The following FBXO38 variants were observed in gnomAD, a reference collection of about 807,000 sequenced individuals.
FBXO38 encodes the protein F-box only protein 38.
In FBXO38, 53 loss-of-function variants were observed where a neutral mutation model predicts 131.9. That is an observed-to-expected ratio of 0.40 (90% CI 0.32 to 0.51). The LOEUF is 0.51. FBXO38 is among the 20% of genes least tolerant of loss of function. FBXO38 has a pLI of 0.53. For synonymous variants in FBXO38, 452 were observed against 505.6 expected (o/e 0.89, Z 1.42); for missense variants, 1,076 against 1,475.6 (o/e 0.73, Z 4.44).
At chr5:148,425,752 G>T in intron 14 of FBXO38, 51 bp downstream of exon 14, 1 of 1,519,090 alleles carries the variant, frequency 6.6e-7, no homozygotes, top group Non-Finnish European at 9.0e-7. Context: ...TATCAGAACT[G>T]ACACACTTGG....
rs150639119 is a variant in FBXO38 at position 148,405,245 on chromosome 5, A to G, written c.730+423A>G. Among the ~76,000 whole-genome samples, 437 of 152,288 alleles carry G rather than the reference A, an allele frequency of 2.9e-3. 3 individuals are homozygous for G. Among genetic ancestry groups the G allele is most frequent in the African/African-American group, 0.01 (420 of 41,562 alleles). Reference sequence around the variant, plus strand: ...TGTTGCCCTAGAGCAAGCTTGTTCAACCCACGGTCCACTGGCCACAGCCCA... The same window carrying G: ...TGTTGCCCTAGAGCAAGCTTGTTCAGCCCACGGTCCACTGGCCACAGCCCA... On this transcript the variant is annotated intron_variant, in intron 6 of 21. Transcript: ENST00000340253.
intron 16 of FBXO38, 35 bp downstream of exon 16, chr5:148,433,559 T>G: frequency 6.4e-7 from 1 of 1,562,342 alleles, no homozygotes; most frequent in South Asian, 1.1e-5. Flanking sequence ...TTTATCACAG[T>G]CTAGCCCAGT....
At chr5:148,430,922 A>G (rs1486654046) in intron 15 of FBXO38, 1 of 152,242 alleles carries the variant, frequency 6.6e-6, no homozygotes, top group Non-Finnish European at 1.5e-5. Flanking sequence ...ATAACATTTA[A>G]GATTAGTTGC....
At position 148,410,767 on chromosome 5, in the gene FBXO38, T is replaced by A. The variant is rs1554079701; in HGVS notation, c.1093+2T>A. ...ATGTAGATGAGTTTTTGCTACAGAG[T>A]AAGATTTATCCCATTTTAATTCCTA... On this transcript the variant is annotated splice_donor_variant, in intron 9 of 21. Transcript: ENST00000340253. LOFTEE classifies it high-confidence loss of function. 1.2e-6 allele frequency: 2 copies of A among 1,601,852 alleles called. No individual in the cohort carries two copies. The highest frequency in any genetic ancestry group is 1.7e-6 in the Non-Finnish European group (2 of 1,176,630).
At chr5:148,432,907 G>T (rs958935744) in intron 15 of FBXO38, among the ~76,000 whole-genome samples, 2 of 152,176 alleles carry the variant, frequency 1.3e-5, no homozygotes, top group African/African-American at 4.8e-5. Context: ...TAGATGGGTC[G>T]TATTTCAAAA....
In FBXO38 at chr5:148,404,899, G is replaced by A. The variant is rs1168960076; in HGVS notation, c.730+77G>A. ...CCTGAAGCAAACTCTAGCTACATTTGTAAATACAATTATATTATGCTATTA... is the reference window on the plus strand; with the variant it reads ...CCTGAAGCAAACTCTAGCTACATTTATAAATACAATTATATTATGCTATTA... On this transcript the variant is annotated intron_variant, in intron 6 of 21. Coordinates refer to ENST00000340253, the MANE Select transcript of FBXO38 (RefSeq NM_205836.3). 2.4e-6 allele frequency: 3 copies of A among 1,266,168 alleles called. No individual in the cohort carries two copies. In the East Asian group the frequency reaches 8.4e-5, roughly 36 times the overall value. The allele number at this position is 1,266,168 out of a possible 1,614,324, so 78.4% of individuals were successfully genotyped here.
At position 148,437,882 on chromosome 5, in the gene FBXO38, A is replaced by G. The variant is rs76288933; in HGVS notation, c.2858-450A>G. ...TGAATAGCTTTAGACCAAAGTATCCAAATGTGTTTCTGGGTCTTTTTTTTC... is the reference window on the plus strand; with the variant it reads ...TGAATAGCTTTAGACCAAAGTATCCGAATGTGTTTCTGGGTCTTTTTTTTC... On this transcript the variant is annotated intron_variant, in intron 17 of 21. Coordinates refer to ENST00000340253, the MANE Select transcript of FBXO38 (RefSeq NM_205836.3). Among the ~76,000 whole-genome samples, 1,118 of 151,972 alleles carry G rather than the reference A, an allele frequency of 7.4e-3. 18 individuals are homozygous for G. The highest frequency in any genetic ancestry group is 0.026 in the African/African-American group (1,069 of 41,458).
intron 11 of FBXO38, chr5:148,416,683 G>T (rs188223441): frequency 5.9e-6 from 2 of 340,364 alleles, no homozygotes; most frequent in African/African-American, 2.1e-5. Context: ...AATATAATGG[G>T]GAAAGCTCAG....
Position 148,427,825 on chromosome 5 carries a change from A to C in FBXO38, c.2531A>C (p.Glu844Ala). The C allele has an allele frequency of 6.2e-7, 1 of 1,605,584 alleles. No homozygotes were observed. Among genetic ancestry groups the C allele is most frequent in the Non-Finnish European group, 8.5e-7 (1 of 1,176,038 alleles). ...GGGAGTGGCTCTGGGGCTACAGGTG[A>C]GGACAGGAGGGGGAGCTCCCAGCCT... ...TNGSGSGATG[E>A]DRRGSSQPES... Residue 844 changes from glutamate to alanine, a missense_variant, in exon 15 of 22, where the codon GAG becomes GCG. Physicochemically the swap from Glu to Ala is moderately radical, Grantham distance 107. This residue lies in a region of FBXO38 where 213 missense variants were observed against 225.2 expected (regional missense o/e 0.95). Transcript: ENST00000340253.
intron 12 of FBXO38, among the ~76,000 whole-genome samples, chr5:148,420,682 G>C (rs937656455): frequency 6.6e-6 from 1 of 152,120 alleles, no homozygotes; most frequent in African/African-American, 2.4e-5. Flanking sequence ...TAACTACCAA[G>C]TGAAATTGCT....
intron 12 of FBXO38, among the ~76,000 whole-genome samples, chr5:148,417,926 G>A (rs1375388318): frequency 3.3e-5 from 5 of 152,260 alleles, no homozygotes; most frequent in African/African-American, 1.2e-4. Flanking sequence ...CTTGCACACA[G>A]TAATTAATGA....
At chr5:148,394,999 G>GCATTTA (rs1758405643) in intron 2 of FBXO38, 95 bp downstream of exon 2, 9 of 1,186,016 alleles carry the variant, frequency 7.6e-6, no homozygotes, top group Non-Finnish European at 1.0e-5. Context: ...GCTACATGCA[G>GCATTTA]CATTTACATT....
intron 18 of FBXO38, 89 bp downstream of exon 18, chr5:148,438,587 G>A (rs1754487196): frequency 7.0e-7 from 1 of 1,418,702 alleles, no homozygotes; most frequent in Non-Finnish European, 9.6e-7. Flanking sequence ...TTTGGATTTG[G>A]CATTCATTCA....
At chr5:148,415,334 TA>T (rs1213345735) in intron 10 of FBXO38, 2 of 152,350 alleles carry the variant, frequency 1.3e-5, no homozygotes, top group Non-Finnish European at 2.9e-5. Flanking sequence ...ATGCACTTGA[TA>T]AATTTCAAAC....
intron 1 of FBXO38, among the ~76,000 whole-genome samples, chr5:148,386,578 C>CGT (rs989901655): frequency 3.9e-5 from 6 of 152,118 alleles, no homozygotes; most frequent in African/African-American, 1.4e-4. Flanking sequence ...TCCTCTTCAA[C>CGT]TTTTAACATT....
chr5:148,433,900 C>T (rs1237517275), intron 17 of FBXO38, 163 bp downstream of exon 17: 1 of 458,628 alleles, frequency 2.2e-6, no homozygotes, highest in Non-Finnish European at 3.9e-6. Context: ...ATTATTACTC[C>T]ATAGTATTTC....
Position 148,427,760 on chromosome 5 carries a change from A to AG in FBXO38, c.2472dup (p.Ser825ValfsTer7). The stretch of plus-strand genomic sequence containing the variant: ...CCTTTTCCTTTAGGACTCTGCCACA[A>AG]GGGGGGTCTTCAGGCCCAGCACATG... On this transcript the variant is annotated frameshift_variant, in exon 15 of 22. Coordinates refer to ENST00000340253, the MANE Select transcript of FBXO38 (RefSeq NM_205836.3). LOFTEE classifies it high-confidence loss of function. 3 of 1,612,582 alleles carry AG rather than the reference A, an allele frequency of 1.9e-6. No individual in the cohort carries two copies. Among genetic ancestry groups the AG allele is most frequent in the East Asian group, 2.2e-5 (1 of 44,866 alleles).
chr5:148,431,339 T>C (rs1323582798), intron 15 of FBXO38, among the ~76,000 whole-genome samples: 1 of 152,176 alleles, frequency 6.6e-6, no homozygotes, highest in Non-Finnish European at 1.5e-5. Flanking sequence ...GCATCAGAAA[T>C]GTTTGTTTTT....
At chr5:148,390,162 C>A (rs551544442) in intron 1 of FBXO38, 49 of 152,206 alleles carry the variant, frequency 3.2e-4, no homozygotes, top group African/African-American at 1.0e-3. Flanking sequence ...TCAGCATAGC[C>A]CAGCTGGGTA....
Sources: gnomAD v4.1 joint callset for allele counts (sites outside exome capture counted in the v4.1 genomes callset) on GRCh38, gnomAD v4.1.1 for gene constraint, gnomAD v4.1.1 regional missense constraint, MANE v1.5 for transcripts, NCBI Gene and HGNC (gene_info 2026-07-23, HGNC 2026-07-21) for gene names.